The following NCALD variants were observed in gnomAD, a reference collection of about 807,000 sequenced individuals.
The protein encoded by NCALD is neurocalcin delta, also known as neurocalcin-delta.
A neutral mutation model predicts 18.6 loss-of-function variants in NCALD; 10 were observed. The observed-to-expected ratio is 0.54, with a 90% CI of 0.33 to 0.91. The LOEUF is 0.91. NCALD is among the 40% of genes least tolerant of loss of function. The probability of loss-of-function intolerance (pLI) is 0.03; values close to 1 mark genes in which losing one functional copy is unlikely to be tolerated. For missense variants in NCALD, 184 were observed against 247.6 expected, an observed-to-expected ratio of 0.74 and a Z score of 1.72; for synonymous variants, 88 against 87.4, an observed-to-expected ratio of 1.01 and a Z score of -0.04.
chr8:101,725,544 G>T (rs1816535095), intron 1 of NCALD, among the ~76,000 whole-genome samples: 1 of 152,158 alleles, frequency 6.6e-6, no homozygotes, highest in African/African-American at 2.4e-5. Flanking sequence ...GGTGTAAAAG[G>T]CTGTCACCCT....
At position 101,723,067 on chromosome 8, in the gene NCALD, G is replaced by C. The variant is rs1586307707; in HGVS notation, c.-19-3419C>G. 3.3e-5 allele frequency among the ~76,000 whole-genome samples: 5 copies of C among 152,276 alleles called. No individual in the cohort carries two copies. In the South Asian group the frequency reaches 1.0e-3, roughly 32 times the overall value. On this transcript the variant is annotated intron_variant, in intron 1 of 3. Transcript: ENST00000220931. ...TTTCTTTGGGAAGACAGGAATTTCT[G>C]CCCGTTTGAGTCGAAGGGATGGGGC...
chr8:101,793,282 G>A (rs143940124), upstream of NCALD, among the ~76,000 whole-genome samples: 2,074 of 151,748 alleles, frequency 0.014, 80 homozygotes, highest in East Asian at 0.11. Flanking sequence ...CCTGGGAGGT[G>A]GAGGTTGCAG....
intron 2 of NCALD, among the ~76,000 whole-genome samples, chr8:101,990,053 G>T (rs1164703565): frequency 6.6e-6 from 1 of 152,112 alleles, no homozygotes. Context: ...ACATCCCCTG[G>T]TAGAATTCGT....
intron 1 of NCALD, among the ~76,000 whole-genome samples, chr8:102,108,718 A>G (rs1587101335): frequency 6.6e-6 from 1 of 152,210 alleles, no homozygotes; most frequent in East Asian, 1.9e-4. Flanking sequence ...CCTTGGACAG[A>G]GCAGGTTCAC....
chr8:102,013,818 A>G (rs1821988657), intron 2 of NCALD, among the ~76,000 whole-genome samples: 1 of 152,230 alleles, frequency 6.6e-6, no homozygotes, highest in Non-Finnish European at 1.5e-5. Flanking sequence ...AGCATTTTCT[A>G]TGGAATTAAA....
intron 3 of NCALD, among the ~76,000 whole-genome samples, chr8:101,911,432 A>T (rs1817797348): frequency 6.8e-6 from 1 of 146,828 alleles, no homozygotes; most frequent in South Asian, 2.1e-4. Context: ...ATCTCGGCTC[A>T]CTGCAACCTC....
At chr8:102,087,001 G>A (rs1358236093) in intron 1 of NCALD, among the ~76,000 whole-genome samples, 2 of 152,154 alleles carry the variant, frequency 1.3e-5, no homozygotes, top group African/African-American at 2.4e-5. Flanking sequence ...CTACAAAGGG[G>A]GAGATATGAA....
At chr8:101,899,992 TG>T (rs1817361478) in intron 3 of NCALD, among the ~76,000 whole-genome samples, 1 of 151,940 alleles carries the variant, frequency 6.6e-6, no homozygotes, top group Non-Finnish European at 1.5e-5. Context: ...AGAAACCATC[TG>T]GACCTGGAAC....
At chr8:101,904,856 T>C (rs1285792502) in intron 3 of NCALD, among the ~76,000 whole-genome samples, 1 of 152,138 alleles carries the variant, frequency 6.6e-6, no homozygotes, top group African/African-American at 2.4e-5. Context: ...TTTGATTCTG[T>C]GGTAGTGCAA....
chr8:101,814,117 A>C (rs1454923709), intron 4 of NCALD, among the ~76,000 whole-genome samples: 1 of 152,098 alleles, frequency 6.6e-6, no homozygotes, highest in African/African-American at 2.4e-5. Context: ...CAATGATCTC[A>C]TTCAGAGTAC....
chr8:101,892,229 G>C lies in NCALD; in HGVS notation c.-106-5002C>G, dbSNP rs367846760. ...CCCTGACCCCCGAGCAGCCGAACTG[G>C]GAGGCACCCCCAAGCAGGGGCACAC... On this transcript the variant is annotated intron_variant, in intron 3 of 6. Transcript: ENST00000311028. Among the ~76,000 whole-genome samples, 26 of 149,088 alleles carry C rather than the reference G, an allele frequency of 1.7e-4. No homozygotes were observed. The East Asian group carries it at 4.1e-3, about 23-fold the overall frequency.
chr8:101,812,967 A>C (rs538917757), intron 4 of NCALD, among the ~76,000 whole-genome samples: 1 of 152,266 alleles, frequency 6.6e-6, no homozygotes, highest in Non-Finnish European at 1.5e-5. Context: ...GAAAATGGAA[A>C]AAAAACTTGG....
chr8:101,766,745 T>A (rs1811364412), intron 1 of NCALD, among the ~76,000 whole-genome samples: 1 of 152,024 alleles, frequency 6.6e-6, no homozygotes, highest in African/African-American at 2.4e-5. Context: ...CCTGGCTAAT[T>A]GTTTTGTATT....
chr8:101,842,617 A>C (rs940618169), intron 4 of NCALD, among the ~76,000 whole-genome samples: 1 of 152,242 alleles, frequency 6.6e-6, no homozygotes, highest in Non-Finnish European at 1.5e-5. Flanking sequence ...AGGCAGGAAG[A>C]CAGGGAAGGG....
At chr8:101,712,602 A>AAAAG (rs1815857761) in intron 2 of NCALD, among the ~76,000 whole-genome samples, 1 of 129,718 alleles carries the variant, frequency 7.7e-6, no homozygotes, top group African/African-American at 2.9e-5. Context: ...AAAAAAAAAA[A>AAAAG]AAAAAAAAAT....
At chr8:102,096,663 G>C (rs916124486) in intron 1 of NCALD, among the ~76,000 whole-genome samples, 1 of 151,730 alleles carries the variant, frequency 6.6e-6, no homozygotes. Context: ...CAATTAGACT[G>C]ACGGCGGGCC....
intron 3 of NCALD, among the ~76,000 whole-genome samples, chr8:101,908,611 C>T (rs1053534558): frequency 1.3e-5 from 2 of 152,158 alleles, no homozygotes; most frequent in African/African-American, 4.8e-5. Flanking sequence ...ACTCCTGCAT[C>T]TTCTACCCTT....
At chr8:101,997,865 G>A (rs1821296545) in intron 2 of NCALD, among the ~76,000 whole-genome samples, 1 of 152,194 alleles carries the variant, frequency 6.6e-6, no homozygotes, top group African/African-American at 2.4e-5. Flanking sequence ...CCAGAAACAT[G>A]CCTTTCTACC....
intron 1 of NCALD, among the ~76,000 whole-genome samples, chr8:101,739,798 CTG>C (rs755332623): frequency 1.8e-4 from 27 of 152,198 alleles, no homozygotes; most frequent in Non-Finnish European, 2.9e-4. Context: ...ACTGGCTTCT[CTG>C]TTCCTCAGCT....
Sources: allele counts gnomAD v4.1 joint callset (sites outside exome capture counted in the v4.1 genomes callset), GRCh38; gene constraint gnomAD v4.1.1; transcripts MANE v1.5; gene names NCBI Gene and HGNC (gene_info 2026-07-23, HGNC 2026-07-21).